IL19: variants seen among roughly 807,000 people sequenced by gnomAD.
IL19 encodes interleukin-19.
IL19 carries 15 observed loss-of-function variants against 19.5 expected under a neutral mutation model. That is an observed-to-expected ratio of 0.77 (90% confidence interval 0.52 to 1.19). The LOEUF is 1.19. Ranked by LOEUF, IL19 falls within the 50% of genes most tolerant of loss-of-function variation. The pLI is 0.00. For synonymous variants in IL19, 78 were observed against 78.3 expected, an observed-to-expected ratio of 1.00 and a Z score of 0.02; for missense variants, 199 against 213.1, an observed-to-expected ratio of 0.93 and a Z score of 0.41.
At chr1:206,784,498 C>G (rs1360439791) in intron 1 of IL19, among the ~76,000 whole-genome samples, 1 of 152,226 alleles carries the variant, frequency 6.6e-6, no homozygotes. Flanking sequence ...CCTCCGGCAG[C>G]TTTTGCGTGT....
intron 1 of IL19, among the ~76,000 whole-genome samples, chr1:206,780,990 T>C (rs1675115922): frequency 6.6e-6 from 1 of 152,142 alleles, no homozygotes; most frequent in African/African-American, 2.4e-5. Context: ...CTTAGATATT[T>C]TTGTCTTAGG....
chr1:206,784,943 G>A (rs189845363), intron 1 of IL19, among the ~76,000 whole-genome samples: 14 of 152,360 alleles, frequency 9.2e-5, no homozygotes, highest in Admixed American at 2.6e-4. Flanking sequence ...CCTTGAGAGA[G>A]GTGACCATGG....
At chr1:206,791,398 G>A (rs1000274917) in intron 1 of IL19, among the ~76,000 whole-genome samples, 2 of 151,716 alleles carry the variant, frequency 1.3e-5, no homozygotes, top group African/African-American at 4.8e-5. Context: ...CACCTCCTGG[G>A]TTCAAGCGGT....
chr1:206,784,225 C>T (rs183592118), intron 1 of IL19, among the ~76,000 whole-genome samples: 138 of 152,262 alleles, frequency 9.1e-4, no homozygotes, highest in Admixed American at 1.6e-3. Flanking sequence ...CATCAATAAT[C>T]CAAGGGCTTG....
intron 2 of IL19, among the ~76,000 whole-genome samples, chr1:206,818,937 T>C (rs986702520): frequency 6.6e-6 from 1 of 151,670 alleles, no homozygotes; most frequent in African/African-American, 2.4e-5. Context: ...CTCAGCCTCC[T>C]GAGTAGCTGG....
chr1:206,807,573 G>C (rs980791768), intron 2 of IL19, among the ~76,000 whole-genome samples: 2 of 152,078 alleles, frequency 1.3e-5, no homozygotes, highest in Non-Finnish European at 2.9e-5. Context: ...CACCTCTTCA[G>C]ATGTTCTCTG....
chr1:206,771,105 T>C lies in IL19; in HGVS notation c.-149+27T>C, dbSNP rs1674819487. ...TGAGTGAGAGATTGGCGGAGGTGGC[T>C]GGGAGGAGGGGCTGCTGCAACTAGC... On this transcript the variant is annotated intron_variant, in intron 1 of 6. Transcript: ENST00000659997. The C allele has an allele frequency of 3.1e-6, 5 of 1,605,258 alleles. No individual in the cohort carries two copies. The East Asian group carries it at 8.9e-5, about 29-fold the overall frequency.
chr1:206,818,042 G>A (rs908361667), intron 2 of IL19, among the ~76,000 whole-genome samples: 2 of 152,156 alleles, frequency 1.3e-5, no homozygotes, highest in African/African-American at 4.8e-5. Flanking sequence ...GGGATTGCAG[G>A]CGTGAGCCAC....
chr1:206,803,553 C>T (rs1230371690), intron 2 of IL19, among the ~76,000 whole-genome samples: 3 of 152,054 alleles, frequency 2.0e-5, no homozygotes, highest in African/African-American at 4.8e-5. Context: ...TACTGTGCTG[C>T]GATAAAGAGG....
chr1:206,822,409 T>C (rs1247769572), intron 2 of IL19, among the ~76,000 whole-genome samples: 2 of 152,198 alleles, frequency 1.3e-5, no homozygotes, highest in Non-Finnish European at 2.9e-5. Context: ...TGTGCTCCTC[T>C]TCCATGTCTC....
In IL19 at chr1:206,842,891, G is replaced by A; in HGVS notation, c.*269G>A. 1 of 332,200 alleles carries A rather than the reference G, an allele frequency of 3.0e-6. No homozygotes were observed. The highest frequency in any genetic ancestry group is 5.6e-6 in the Non-Finnish European group (1 of 178,752). The allele number at this position is 332,200 out of a possible 1,614,324, so 20.6% of individuals were successfully genotyped here. On this transcript the variant is annotated 3_prime_UTR_variant, in exon 7 of 7. Coordinates refer to ENST00000659997, the MANE Select transcript of IL19 (RefSeq NM_153758.5). ...ATCTAATTTATTGTAAAGTCATATA[G>A]TCCATGTCTGTGATGTGAGCCAAGT...
intron 2 of IL19, among the ~76,000 whole-genome samples, chr1:206,807,802 T>C (rs191146545): frequency 6.6e-6 from 1 of 152,342 alleles, no homozygotes; most frequent in East Asian, 1.9e-4. Context: ...GTGCAATTTA[T>C]ATTTGTAGGA....
intron 1 of IL19, among the ~76,000 whole-genome samples, chr1:206,792,682 C>T (rs998022672): frequency 1.3e-5 from 2 of 152,136 alleles, no homozygotes; most frequent in African/African-American, 4.8e-5. Flanking sequence ...GTCTCGATCT[C>T]CTGACCTCAT....
chr1:206,830,578 T>TAA (rs1676569892), intron 2 of IL19, among the ~76,000 whole-genome samples: 2 of 114,952 alleles, frequency 1.7e-5, no homozygotes, highest in South Asian at 7.1e-4. Flanking sequence ...TTATCAGTTT[T>TAA]ATATATATAT....
In IL19 at chr1:206,817,470, A is replaced by C. The variant is rs570096785; in HGVS notation, c.-3+18464A>C. Among the ~76,000 whole-genome samples, 10 of 152,324 alleles carry C rather than the reference A, an allele frequency of 6.6e-5. No homozygotes were observed. In the South Asian group the frequency reaches 2.1e-3, roughly 32 times the overall value. On this transcript the variant is annotated intron_variant, in intron 2 of 6. Transcript: ENST00000659997. ...GGCTTCTAGCACATCCAGCAGCAAGACACTTTTGTGCAGTAACACTAATAA... is the reference window on the plus strand; with the variant it reads ...GGCTTCTAGCACATCCAGCAGCAAGCCACTTTTGTGCAGTAACACTAATAA...
chr1:206,832,267 A>ACC (rs1426993624), intron 2 of IL19, among the ~76,000 whole-genome samples: 1 of 152,278 alleles, frequency 6.6e-6, no homozygotes, highest in Non-Finnish European at 1.5e-5. Context: ...ATTAAGGAGT[A>ACC]CTTACTATGA....
chr1:206,794,455 G>GTGAAGCCT (rs2102456501), intron 1 of IL19, among the ~76,000 whole-genome samples: 1 of 152,130 alleles, frequency 6.6e-6, no homozygotes, highest in African/African-American at 2.4e-5. Flanking sequence ...TCCCTCCTTT[G>GTGAAGCCT]TGAAGCCTCT....
At chr1:206,830,409 C>G (rs1163496253) in intron 2 of IL19, among the ~76,000 whole-genome samples, 1 of 151,828 alleles carries the variant, frequency 6.6e-6, no homozygotes, top group Non-Finnish European at 1.5e-5. Context: ...TTAAATTTCC[C>G]AGTTCTTTTT....
At chr1:206,837,517 T>A (rs1676839182) in intron 4 of IL19, among the ~76,000 whole-genome samples, 1 of 152,096 alleles carries the variant, frequency 6.6e-6, no homozygotes, top group South Asian at 2.1e-4. Context: ...AGTCATTTTA[T>A]AAAGGTCCCT....
Sources: allele counts gnomAD v4.1 joint callset (sites outside exome capture counted in the v4.1 genomes callset), GRCh38; gene constraint gnomAD v4.1.1; transcripts MANE v1.5; gene names NCBI Gene and HGNC (gene_info 2026-07-23, HGNC 2026-07-21).